Variants in PCDHGA1 observed in about 807,000 individuals in gnomAD.
The protein encoded by PCDHGA1 is protocadherin gamma-A1.
In PCDHGA1, 32 loss-of-function variants were observed where a neutral mutation model predicts 58.0. The ratio of observed to expected loss-of-function variants is 0.55; its 90% CI spans 0.42 to 0.74. PCDHGA1 has a LOEUF of 0.74. Among genes scored for constraint, PCDHGA1 ranks in the 30% least tolerant of loss-of-function variants. The pLI is 0.00. For missense variants in PCDHGA1, 1,205 were observed against 1,182.3 expected, an observed-to-expected ratio of 1.02 and a Z score of -0.28; for synonymous variants, 498 against 501.1, an observed-to-expected ratio of 0.99 and a Z score of 0.08.
chr5:141,473,756 A>G (rs2099328139), intron 1 of PCDHGA1, among the ~76,000 whole-genome samples: 1 of 152,228 alleles, frequency 6.6e-6, no homozygotes, highest in African/African-American at 2.4e-5. Context: ...CTTGGATACT[A>G]TGCAAAGGAT....
intron 1 of PCDHGA1, among the ~76,000 whole-genome samples, chr5:141,452,909 T>C (rs1408054133): frequency 6.6e-6 from 1 of 152,232 alleles, no homozygotes; most frequent in Non-Finnish European, 1.5e-5. Flanking sequence ...GTTGGCATTA[T>C]ACAGTAAGAA....
At chr5:141,469,044 A>C (rs1247890388) in intron 1 of PCDHGA1, among the ~76,000 whole-genome samples, 1 of 152,128 alleles carries the variant, frequency 6.6e-6, no homozygotes, top group East Asian at 1.9e-4. Context: ...TGGGAGGCCA[A>C]GGTGGGAGGA....
At chr5:141,471,660 A>G (rs1010236543) in intron 1 of PCDHGA1, 12 of 152,184 alleles carry the variant, frequency 7.9e-5, no homozygotes, top group Non-Finnish European at 1.8e-4. Flanking sequence ...GTGGGGATGC[A>G]GAAAAAAATA....
At chr5:141,413,648 TC>T in intron 1 of PCDHGA1, 1 of 1,613,820 alleles carries the variant, frequency 6.2e-7, no homozygotes, top group Non-Finnish European at 8.5e-7. Context: ...CGTTTTCCTC[TC>T]CCGGAAGCTA....
chr5:141,462,599 T>TGG (rs2099043404), intron 1 of PCDHGA1, among the ~76,000 whole-genome samples: 1 of 152,208 alleles, frequency 6.6e-6, no homozygotes, highest in African/African-American at 2.4e-5. Context: ...CCATTTCATA[T>TGG]ATTGTATTTT....
At chr5:141,437,096 C>T (rs989863634) in intron 1 of PCDHGA1, among the ~76,000 whole-genome samples, 6 of 152,122 alleles carry the variant, frequency 3.9e-5, no homozygotes, top group Non-Finnish European at 8.8e-5. Context: ...AAACTAACGG[C>T]TTAGCTTTAG....
rs1757343212 is a variant in PCDHGA1, at chr5:141,343,943, G to T, written c.2421+10838G>T. The T allele has an allele frequency of 5.6e-6, 7 of 1,258,526 alleles. No homozygotes were observed. The East Asian group carries it at 7.3e-5, about 13-fold the overall frequency. 78.0% of individuals were successfully genotyped at this position (1,258,526 alleles called of 1,614,324 possible). On this transcript the variant is annotated intron_variant, in intron 1 of 3. Coordinates refer to ENST00000517417, the MANE Select transcript of PCDHGA1 (RefSeq NM_018912.3). ...GCTGTTTGACCTGTGAATTAGGCCC[G>T]TAAAAGACTTCGTTTCTTGAGAAAA...
At chr5:141,459,714 T>C (rs1240430980) in intron 1 of PCDHGA1, among the ~76,000 whole-genome samples, 4 of 152,244 alleles carry the variant, frequency 2.6e-5, no homozygotes, top group Admixed American at 6.5e-5. Flanking sequence ...TTCTCACCAA[T>C]GCTTCCTATT....
chr5:141,418,941 C>G, intron 1 of PCDHGA1: 1 of 1,614,034 alleles, frequency 6.2e-7, no homozygotes, highest in East Asian at 2.2e-5. Flanking sequence ...GAGGATTCCC[C>G]TCCAGGAGTG....
intron 1 of PCDHGA1, chr5:141,418,168 G>T (rs2096233804): frequency 6.2e-7 from 1 of 1,613,946 alleles, no homozygotes. Context: ...GAAGATGTGA[G>T]TTGCAATTGG....
At chr5:141,415,767 T>TTTTTTTTTTTTTTTTTTTTTG (rs2095942916) in intron 1 of PCDHGA1, 1 of 1,300,668 alleles carries the variant, frequency 7.7e-7, no homozygotes, top group African/African-American at 1.8e-5. Flanking sequence ...TTTTTTTTTT[T>TTTTTTTTTTTTTTTTTTTTTG]TTTTTACTTT....
chr5:141,478,202 C>T, intron 1 of PCDHGA1: 1 of 1,614,074 alleles, frequency 6.2e-7, no homozygotes, highest in Non-Finnish European at 8.5e-7. Flanking sequence ...TTATCTACTT[C>T]TTTCTCTAAT....
At chr5:141,415,132 C>T (rs752622569) in intron 1 of PCDHGA1, 4 of 1,613,696 alleles carry the variant, frequency 2.5e-6, no homozygotes, top group Non-Finnish European at 3.4e-6. Flanking sequence ...CGTCCAGGAC[C>T]ACGGCCAGCC....
At chr5:141,366,046 C>T in intron 1 of PCDHGA1, 1 of 1,614,240 alleles carries the variant, frequency 6.2e-7, no homozygotes, top group Non-Finnish European at 8.5e-7. Context: ...CAGACGGTTC[C>T]ACGGGCGTGG....
intron 1 of PCDHGA1, chr5:141,417,960 G>T (rs2096199953): frequency 1.2e-6 from 2 of 1,613,624 alleles, no homozygotes; most frequent in African/African-American, 1.3e-5. Context: ...GAGCCGATCC[G>T]CTACTCGATT....
In PCDHGA1 at chr5:141,371,791, C is replaced by G. The variant is rs758674133; in HGVS notation, c.2421+38686C>G. The stretch of plus-strand genomic sequence containing the variant: ...ACCGTGCATGTAGCTGAGAACAATC[C>G]GCCTGGAGCCTCCATTGCGCATGTC... On this transcript the variant is annotated intron_variant, in intron 1 of 3. Transcript: ENST00000517417. 6.2e-7 allele frequency: 1 copy of G among 1,613,938 alleles called. No homozygotes were observed. Among genetic ancestry groups the G allele is most frequent in the East Asian group, 2.2e-5 (1 of 44,884 alleles).
rs534187376 is a variant in PCDHGA1 at position 141,512,974 on chromosome 5, A to G, written c.*1801A>G. ...AAAATAATAAAACGTTTCTTCTGAA[A>G]AGCTGAACGTTTCTGTATAAGCGAT... is the stretch of plus-strand genomic sequence containing the variant. On this transcript the variant is annotated 3_prime_UTR_variant, in exon 4 of 4. Transcript: ENST00000517417. The G allele has an allele frequency of 6.6e-6, 1 of 152,362 alleles. No individual in the cohort carries two copies. Among genetic ancestry groups the G allele is most frequent in the South Asian group, 2.1e-4 (1 of 4,826 alleles). The allele number at this position is 152,362 out of a possible 1,614,324, so 9.4% of individuals were successfully genotyped here. A position where few individuals can be genotyped will look rare whatever the true frequency, so the allele number is the denominator to read the frequency against.
rs1433429634 is a variant in PCDHGA1 at position 141,486,311 on chromosome 5, G to T, written c.2422-8496G>T. 1.2e-6 allele frequency: 2 copies of T among 1,613,956 alleles called. No homozygotes were observed. Among genetic ancestry groups the T allele is most frequent in the African/African-American group, 2.7e-5 (2 of 74,892 alleles). On this transcript the variant is annotated intron_variant, in intron 1 of 3. Transcript: ENST00000517417. The surrounding 1 kb of genome is among the most constrained non-coding windows in gnomAD (Gnocchi z 5.0). The stretch of plus-strand genomic sequence containing the variant: ...TATCAGTGTGCAGGATCCAGACTCA[G>T]GGTCAAACGGAGATGTGAGCCTCCG...
chr5:141,352,797 A>G, intron 1 of PCDHGA1: 4 of 930,292 alleles, frequency 4.3e-6, no homozygotes, highest in Non-Finnish European at 4.8e-6. Flanking sequence ...TGAGACCAGC[A>G]TAGCCAAGAT....
Sources: gnomAD v4.1 joint callset for allele counts (sites outside exome capture counted in the v4.1 genomes callset) on GRCh38, gnomAD v4.1.1 for gene constraint, Gnocchi (gnomAD v3.1) non-coding constraint, MANE v1.5 for transcripts, NCBI Gene and HGNC (gene_info 2026-07-23, HGNC 2026-07-21) for gene names.